Variants in ABI3BP observed in about 807,000 individuals in gnomAD.
The protein encoded by ABI3BP is target of Nesh-SH3.
In ABI3BP, 216 loss-of-function variants were observed where a neutral mutation model predicts 268.6. The ratio of observed to expected loss-of-function variants is 0.80; its 90% confidence interval spans 0.72 to 0.90. ABI3BP has a LOEUF of 0.90. Ranked by LOEUF, ABI3BP falls within the 40% of genes least tolerant of loss-of-function variation. ABI3BP has a pLI of 0.00. For synonymous variants in ABI3BP, 730 were observed against 730.0 expected, an observed-to-expected ratio of 1.00 and a Z score of 0.00; for missense variants, 2,090 against 2,182.4, an observed-to-expected ratio of 0.96 and a Z score of 0.84.
chr3:100,776,786 T>G lies in ABI3BP; in HGVS notation c.4334-1451A>C, dbSNP rs184888724. ...CAGTTCTTCTTCAGGCTGGGTGGGC[T>G]GTACCAAAGCTATGTTTACTGACAG... is the stretch of plus-strand genomic sequence containing the variant. On this transcript the variant is annotated intron_variant, in intron 59 of 67. Coordinates refer to ENST00000471714, the MANE Select transcript of ABI3BP (RefSeq NM_001375547.2). Among the ~76,000 whole-genome samples the G allele has an allele frequency of 2.5e-3, 378 of 152,334 alleles. 2 individuals are homozygous for G. Among genetic ancestry groups the G allele is most frequent in the African/African-American group, 8.4e-3 (351 of 41,584 alleles).
chr3:100,993,077 A>G (rs1320073081), intron 1 of ABI3BP, among the ~76,000 whole-genome samples: 1 of 152,236 alleles, frequency 6.6e-6, no homozygotes, highest in Non-Finnish European at 1.5e-5. Context: ...ACAGCTGCTC[A>G]ATGTAATAAG....
At chr3:100,985,563 T>C (rs1276293853) in intron 1 of ABI3BP, among the ~76,000 whole-genome samples, 2 of 143,542 alleles carry the variant, frequency 1.4e-5, no homozygotes, top group African/African-American at 5.1e-5. Flanking sequence ...GTGTCAGGGA[T>C]AAAAGCGTTT....
intron 2 of ABI3BP, 132 bp from the exon 3 acceptor site, chr3:100,902,818 A>C (rs953780914): frequency 1.5e-6 from 1 of 656,350 alleles, no homozygotes; most frequent in African/African-American, 1.8e-5. Context: ...AGAGGACCCA[A>C]TAATCCGAAA....
intron 1 of ABI3BP, among the ~76,000 whole-genome samples, chr3:100,939,977 C>T (rs1440497307): frequency 2.0e-5 from 3 of 152,064 alleles, no homozygotes; most frequent in Non-Finnish European, 4.4e-5. Context: ...ATATTTCTCC[C>T]ATTTGCTTTT....
chr3:100,983,006 GC>G (rs2090292322), intron 1 of ABI3BP, among the ~76,000 whole-genome samples: 1 of 152,172 alleles, frequency 6.6e-6, no homozygotes, highest in African/African-American at 2.4e-5. Flanking sequence ...GAGAAGCAAG[GC>G]CTGTTAGGTC....
At chr3:100,792,550 G>T in intron 55 of ABI3BP, 141 bp downstream of exon 55, 1 of 761,550 alleles carries the variant, frequency 1.3e-6, no homozygotes, top group East Asian at 2.7e-5. Flanking sequence ...TTCAGATTTG[G>T]CTGATTTCTT....
chr3:100,830,110 C>CATACATATAT (rs2098461012), intron 32 of ABI3BP, among the ~76,000 whole-genome samples: 1 of 44,760 alleles, frequency 2.2e-5, no homozygotes, highest in Non-Finnish European at 4.3e-5. Context: ...TACATACATA[C>CATACATATAT]ATATATATAT....
chr3:100,797,146 T>C (rs1237017349), intron 51 of ABI3BP, among the ~76,000 whole-genome samples: 3 of 152,042 alleles, frequency 2.0e-5, no homozygotes, highest in Non-Finnish European at 4.4e-5. Context: ...CATAAGCATA[T>C]GAAAACAAGA....
chr3:100,802,785 C>CGTCACTCAAATCTACTGTTATCTATAACA (rs764659106), intron 51 of ABI3BP, among the ~76,000 whole-genome samples: 3 of 147,742 alleles, frequency 2.0e-5, no homozygotes, highest in African/African-American at 2.4e-5. Context: ...CTACCTTTTA[C>CGTCACTCAAATCTACTGTTATCTATAACA]ATTTTTAGAC....
At chr3:100,831,304 G>C (rs1254371817) in intron 31 of ABI3BP, among the ~76,000 whole-genome samples, 1 of 152,102 alleles carries the variant, frequency 6.6e-6, no homozygotes, top group Admixed American at 6.6e-5. Flanking sequence ...GGATGAGGAG[G>C]AGAGGATGGA....
intron 1 of ABI3BP, among the ~76,000 whole-genome samples, chr3:100,968,877 C>T (rs1585230066): frequency 6.6e-6 from 1 of 152,160 alleles, no homozygotes; most frequent in Non-Finnish European, 1.5e-5. Context: ...GTGTGATGTT[C>T]CCCTTCCTGT....
At chr3:100,869,290 A>T (rs1226344702) in intron 9 of ABI3BP, among the ~76,000 whole-genome samples, 2 of 130,426 alleles carry the variant, frequency 1.5e-5, no homozygotes, top group African/African-American at 2.9e-5. Context: ...TATATTACTA[A>T]CTCATTTTAC....
chr3:100,811,184 C>T, intron 48 of ABI3BP, 46 bp downstream of exon 48: 2 of 1,479,230 alleles, frequency 1.4e-6, no homozygotes, highest in Non-Finnish European at 1.8e-6. Flanking sequence ...GCGATGGTGG[C>T]AATGAAGACA....
intron 36 of ABI3BP, among the ~76,000 whole-genome samples, chr3:100,824,362 C>T (rs2098322613): frequency 6.6e-6 from 1 of 152,122 alleles, no homozygotes. Flanking sequence ...AAGTCCAGCC[C>T]ACCTCGATCT....
chr3:100,754,618 C>A lies in ABI3BP; in HGVS notation c.4924G>T (p.Glu1642Ter). 1 of 1,581,814 alleles carries A rather than the reference C, an allele frequency of 6.3e-7. No individual in the cohort carries two copies. The highest frequency in any genetic ancestry group is 1.3e-5 in the African/African-American group (1 of 74,502). Residue 1642 changes from glutamate to a stop codon, truncating the protein, a stop_gained, in exon 64 of 68, where the codon GAA becomes TAA. Transcript: ENST00000471714. LOFTEE classifies it high-confidence loss of function. ...PVSNTVAFST[E>*]SADPRVSEPV... Reference sequence around the variant, plus strand: ...TTACTGTTGATGTAATTACCTGATTCAGTACTGAATGCCACTGTGTTGCTG... The same window carrying A: ...TTACTGTTGATGTAATTACCTGATTAAGTACTGAATGCCACTGTGTTGCTG...
intron 4 of ABI3BP, among the ~76,000 whole-genome samples, chr3:100,892,103 G>A (rs1360553883): frequency 6.6e-6 from 1 of 152,200 alleles, no homozygotes; most frequent in Non-Finnish European, 1.5e-5. Context: ...ATGCATTGAG[G>A]TATATTTCTT....
chr3:100,927,994 A>T (rs1319380600), intron 1 of ABI3BP, among the ~76,000 whole-genome samples: 1 of 149,756 alleles, frequency 6.7e-6, no homozygotes, highest in African/African-American at 2.5e-5. Flanking sequence ...CTGGCAACAC[A>T]TCCCAGTCAG....
At chr3:100,777,522 CT>C (rs2096739748) in intron 59 of ABI3BP, among the ~76,000 whole-genome samples, 1 of 152,188 alleles carries the variant, frequency 6.6e-6, no homozygotes, top group Admixed American at 6.5e-5. Context: ...AGCTCACAGT[CT>C]ATTGGGGAAG....
chr3:100,865,595 C>G (rs141509866), intron 10 of ABI3BP, among the ~76,000 whole-genome samples: 1 of 152,112 alleles, frequency 6.6e-6, no homozygotes, highest in African/African-American at 2.4e-5. Context: ...AATTGAGAGC[C>G]AGAAAGCCCC....
Sources: allele counts gnomAD v4.1 joint callset (sites outside exome capture counted in the v4.1 genomes callset), GRCh38; gene constraint gnomAD v4.1.1; transcripts MANE v1.5; gene names NCBI Gene and HGNC (gene_info 2026-07-23, HGNC 2026-07-21).